SLX4IP: variants seen among roughly 807,000 people sequenced by gnomAD.
SLX4IP encodes the protein SLX4 interacting protein, also known as protein SLX4IP.
In SLX4IP, 34 loss-of-function variants were observed where a neutral mutation model predicts 32.9. The observed-to-expected ratio is 1.03, with a 90% CI of 0.79 to 1.38. The LOEUF (loss-of-function observed/expected upper bound fraction) is 1.38. Ranked by LOEUF, SLX4IP falls within the 40% of genes most tolerant of loss-of-function variation. The pLI, the probability that SLX4IP is intolerant of heterozygous loss-of-function variation, is 0.00. For missense variants in SLX4IP, 444 were observed against 479.0 expected (o/e 0.93, Z 0.68); for synonymous variants, 172 against 171.7 (o/e 1.00, Z -0.01).
In SLX4IP at chr20:10,627,824, A is replaced by G. The variant is rs1468346641; in HGVS notation, c.*4445A>G. On this transcript the variant is annotated 3_prime_UTR_variant, in exon 8 of 8. Transcript: ENST00000334534. Reference sequence around the variant, plus strand: ...TCAGGGAACAGAAGGTGTGAATTGGACAGATCCCCCGAATAACTTTCTTCA... The same window carrying G: ...TCAGGGAACAGAAGGTGTGAATTGGGCAGATCCCCCGAATAACTTTCTTCA... The G allele has an allele frequency of 2.0e-5, 3 of 152,252 alleles. No homozygotes were observed. The highest frequency in any genetic ancestry group is 2.0e-4 in the Admixed American group (3 of 15,294). 9.4% of individuals were successfully genotyped at this position (152,252 alleles called of 1,614,324 possible). A position where few individuals can be genotyped will look rare whatever the true frequency, so the allele number is the denominator to read the frequency against.
At chr20:10,495,123 A>C (rs1180374805) in intron 2 of SLX4IP, among the ~76,000 whole-genome samples, 1 of 152,196 alleles carries the variant, frequency 6.6e-6, no homozygotes, top group East Asian at 1.9e-4. Flanking sequence ...ATTAAAAATA[A>C]TGAAAATACG....
chr20:10,455,972 A>T (rs2065282448), intron 1 of SLX4IP, among the ~76,000 whole-genome samples: 1 of 152,134 alleles, frequency 6.6e-6, no homozygotes, highest in Non-Finnish European at 1.5e-5. Context: ...CCAAAATACG[A>T]AATCCTCCAA....
intron 6 of SLX4IP, among the ~76,000 whole-genome samples, chr20:10,608,918 T>C (rs1423558930): frequency 6.6e-6 from 1 of 152,080 alleles, no homozygotes; most frequent in Non-Finnish European, 1.5e-5. Flanking sequence ...TTTTCTCCAC[T>C]TGCCAGCTCA....
rs182147760 is a variant in SLX4IP at position 10,477,036 on chromosome 20, C to T, written c.27+18805C>T. On this transcript the variant is annotated intron_variant, in intron 2 of 7. Transcript: ENST00000334534. ...AGTTTAAATTCTAAGAAATATTATTCGAAGTTTAAGAGGTCTTATTAGGGC... is the reference window on the plus strand; with the variant it reads ...AGTTTAAATTCTAAGAAATATTATTTGAAGTTTAAGAGGTCTTATTAGGGC... Among the ~76,000 whole-genome samples, 34 of 152,278 alleles carry T rather than the reference C, an allele frequency of 2.2e-4. No individual in the cohort carries two copies. In the East Asian group the frequency reaches 4.2e-3, roughly 19 times the overall value.
At chr20:10,557,602 C>T (rs2066280544) in intron 3 of SLX4IP, among the ~76,000 whole-genome samples, 1 of 152,202 alleles carries the variant, frequency 6.6e-6, no homozygotes, top group Non-Finnish European at 1.5e-5. Context: ...CCAAGGGGAC[C>T]TCACCCCAAA....
At chr20:10,562,094 A>G (rs1262275322) in intron 4 of SLX4IP, among the ~76,000 whole-genome samples, 1 of 152,136 alleles carries the variant, frequency 6.6e-6, no homozygotes, top group East Asian at 1.9e-4. Flanking sequence ...CTCAAGCCCC[A>G]GTGGGCGTGT....
chr20:10,590,354 A>G (rs1204348007), intron 4 of SLX4IP, among the ~76,000 whole-genome samples: 2 of 151,470 alleles, frequency 1.3e-5, no homozygotes, highest in Non-Finnish European at 2.9e-5. Context: ...GTATGTATTT[A>G]TTTATTTTTT....
At chr20:10,593,122 C>T (rs901338826) in intron 4 of SLX4IP, among the ~76,000 whole-genome samples, 32 of 152,114 alleles carry the variant, frequency 2.1e-4, no homozygotes, top group African/African-American at 6.0e-4. Flanking sequence ...GAGCTGCTTC[C>T]GGGTTAGCAC....
At position 10,566,283 on chromosome 20, in the gene SLX4IP, ATTTTTTTTTTTTTT is replaced by A. The variant is rs59907123; in HGVS notation, c.238+5478_238+5491del. On this transcript the variant is annotated intron_variant, in intron 4 of 7. Coordinates refer to ENST00000334534, the MANE Select transcript of SLX4IP (RefSeq NM_001009608.3). Reference sequence around the variant, plus strand: ...TGTTTCACCAGGTAGAACTGATTACATTTTTTTTTTTTTTTTTTTTTTTTTTTTGTCTATATACC... The same window carrying A: ...TGTTTCACCAGGTAGAACTGATTACATTTTTTTTTTTTTTGTCTATATACC... 2.3e-3 allele frequency among the ~76,000 whole-genome samples: 226 copies of A among 97,874 alleles called. 6 individuals are homozygous for A. In the South Asian group the frequency reaches 0.046, roughly 20 times the overall value. 64.2% of individuals were successfully genotyped at this position (97,874 alleles called of 152,430 possible). A position where few individuals can be genotyped will look rare whatever the true frequency, so the allele number is the denominator to read the frequency against.
chr20:10,542,491 A>G (rs1165052137), intron 2 of SLX4IP, among the ~76,000 whole-genome samples: 1 of 152,148 alleles, frequency 6.6e-6, no homozygotes, highest in African/African-American at 2.4e-5. Context: ...TCATGACATG[A>G]TTTTAAGTGT....
chr20:10,532,885 C>T (rs1162511543), intron 2 of SLX4IP, among the ~76,000 whole-genome samples: 3 of 151,906 alleles, frequency 2.0e-5, no homozygotes, highest in Non-Finnish European at 4.4e-5. Flanking sequence ...AAGCAATTCT[C>T]CTGCCTCAGC....
At chr20:10,553,494 A>G (rs1187735741) in intron 2 of SLX4IP, among the ~76,000 whole-genome samples, 1 of 152,248 alleles carries the variant, frequency 6.6e-6, no homozygotes, top group Non-Finnish European at 1.5e-5. Flanking sequence ...TCCATGGCAC[A>G]GGAAAGGTTA....
In SLX4IP at chr20:10,458,469, G is replaced by C. The variant is rs112814842; in HGVS notation, c.27+238G>C. On this transcript the variant is annotated intron_variant, in intron 2 of 7. Transcript: ENST00000334534. ...GTTGCACAGATCATCCCATGACTTAGGTATTAAGCCCAGTGTCCATTAGCT... is the reference window on the plus strand; with the variant it reads ...GTTGCACAGATCATCCCATGACTTACGTATTAAGCCCAGTGTCCATTAGCT... 9.5e-3 allele frequency among the ~76,000 whole-genome samples: 1,451 copies of C among 152,140 alleles called. 23 individuals are homozygous for C. The highest frequency in any genetic ancestry group is 0.032 in the African/African-American group (1,316 of 41,506).
chr20:10,529,344 T>C (rs545716480), intron 2 of SLX4IP, among the ~76,000 whole-genome samples: 366 of 152,216 alleles, frequency 2.4e-3, no homozygotes, highest in Middle Eastern at 3.4e-3. Context: ...ATCCTAGCAC[T>C]TTGGGAGGCC....
intron 4 of SLX4IP, among the ~76,000 whole-genome samples, chr20:10,590,469 T>G (rs1316985510): frequency 6.6e-6 from 1 of 152,150 alleles, no homozygotes; most frequent in Non-Finnish European, 1.5e-5. Flanking sequence ...CTAGCAATTC[T>G]CCTGCCTCAG....
chr20:10,593,173 A>G (rs888212392), intron 4 of SLX4IP, among the ~76,000 whole-genome samples: 1 of 152,204 alleles, frequency 6.6e-6, no homozygotes, highest in Admixed American at 6.5e-5. Context: ...TCTTAAAGCA[A>G]ATATCAGACC....
At position 10,622,761 on chromosome 20, in the gene SLX4IP, G is replaced by T. The variant is rs1310725185; in HGVS notation, c.609G>T (p.Arg203Ser). 2.5e-6 allele frequency: 4 copies of T among 1,614,182 alleles called. No individual in the cohort carries two copies. The highest frequency in any genetic ancestry group is 3.4e-6 in the Non-Finnish European group (4 of 1,180,038). Residue 203 changes from arginine to serine, a missense_variant, in exon 8 of 8, where the codon AGG (arginine) becomes AGT (serine). Transcript: ENST00000334534. The stretch of plus-strand genomic sequence containing the variant: ...ACTCAGTGATTGCAGAGATAGCAAG[G>T]AGGAGGAATGATGGTCAGGCTTCCT... Reference protein sequence around the residue: ...SSDSVIAEIARRRNDGQASSS... With the variant: ...SSDSVIAEIASRRNDGQASSS...
chr20:10,531,203 G>T (rs2065986198), intron 2 of SLX4IP, among the ~76,000 whole-genome samples: 1 of 152,162 alleles, frequency 6.6e-6, no homozygotes. Flanking sequence ...TGTGGGATCA[G>T]ACCCTCACCC....
intron 2 of SLX4IP, among the ~76,000 whole-genome samples, chr20:10,487,615 T>C (rs1274670387): frequency 6.6e-6 from 1 of 152,084 alleles, no homozygotes; most frequent in Non-Finnish European, 1.5e-5. Context: ...CCACTTGATA[T>C]GTAACTTGGG....
Sources: allele counts gnomAD v4.1 joint callset (sites outside exome capture counted in the v4.1 genomes callset), GRCh38; gene constraint gnomAD v4.1.1; transcripts MANE v1.5; gene names NCBI Gene and HGNC (gene_info 2026-07-23, HGNC 2026-07-21).